The following VPS50 variants were observed in gnomAD, a reference collection of about 807,000 sequenced individuals.
VPS50 encodes VPS50 subunit of EARP/GARPII complex, also known as syndetin.
In VPS50, 70 loss-of-function variants were observed where a neutral mutation model predicts 139.7. That is an observed-to-expected ratio of 0.50 (90% CI 0.41 to 0.61). The LOEUF (loss-of-function observed/expected upper bound fraction) is 0.61. Among genes scored for constraint, VPS50 ranks in the 20% least tolerant of loss-of-function variants. The probability of loss-of-function intolerance (pLI) is 0.00; values close to 1 mark genes in which losing one functional copy is unlikely to be tolerated. For synonymous variants in VPS50, 365 were observed against 376.7 expected, an observed-to-expected ratio of 0.97 and a Z score of 0.36; for missense variants, 921 against 1,133.7, an observed-to-expected ratio of 0.81 and a Z score of 2.69.
chr7:93,246,057 T>A, intron 2 of VPS50: 1 of 1,276,736 alleles, frequency 7.8e-7, no homozygotes, highest in East Asian at 2.5e-5. Flanking sequence ...TCTAGCTCTG[T>A]TTAGATTTTG....
chr7:93,236,895 G>A (rs1459344119), intron 1 of VPS50, among the ~76,000 whole-genome samples: 2 of 140,550 alleles, frequency 1.4e-5, no homozygotes, highest in Non-Finnish European at 3.1e-5. Context: ...AGATATATGA[G>A]ACAGTATTTT....
intron 1 of VPS50, among the ~76,000 whole-genome samples, chr7:93,234,869 G>A (rs1315136585): frequency 6.6e-6 from 1 of 151,934 alleles, no homozygotes; most frequent in Non-Finnish European, 1.5e-5. Context: ...TCTCCATCAT[G>A]CTCACCTCTG....
chr7:93,275,613 G>A lies in VPS50; in HGVS notation c.802-552G>A, dbSNP rs1403372512. On this transcript the variant is annotated intron_variant, in intron 11 of 27. Coordinates refer to ENST00000305866, the MANE Select transcript of VPS50 (RefSeq NM_017667.4). ...TACACACTTTAGACTATAGAACAGT[G>A]TAAATGTAACTTTTATATACACTGG... Among the ~76,000 whole-genome samples the A allele has an allele frequency of 1.3e-5, 2 of 152,156 alleles. 1 individual carries two copies. Among genetic ancestry groups the A allele is most frequent in the East Asian group, 3.8e-4 (2 of 5,202 alleles).
At chr7:93,267,849 T>C (rs1042162813) in intron 9 of VPS50, among the ~76,000 whole-genome samples, 1 of 152,224 alleles carries the variant, frequency 6.6e-6, no homozygotes, top group African/African-American at 2.4e-5. Flanking sequence ...GTCTAAAATA[T>C]AGGCATTAAG....
intron 23 of VPS50, among the ~76,000 whole-genome samples, chr7:93,342,462 A>C (rs10266225): frequency 6.6e-6 from 1 of 151,714 alleles, no homozygotes; most frequent in South Asian, 2.1e-4. Flanking sequence ...AGCTCGAACT[A>C]GGTGGAGCCC....
At chr7:93,302,743 T>C (rs780196649) in intron 16 of VPS50, among the ~76,000 whole-genome samples, 4 of 152,050 alleles carry the variant, frequency 2.6e-5, no homozygotes, top group Non-Finnish European at 5.9e-5. Flanking sequence ...TAACAACTTG[T>C]GGTAGAAAGA....
intron 2 of VPS50, among the ~76,000 whole-genome samples, chr7:93,243,964 C>G (rs574919961): frequency 6.6e-6 from 1 of 151,816 alleles, no homozygotes; most frequent in African/African-American, 2.4e-5. Context: ...ATTGCCTCCT[C>G]ATAGTATTCT....
At position 93,276,231 on chromosome 7, in the gene VPS50, C is replaced by T. The variant is rs1378535430; in HGVS notation, c.868C>T (p.Leu290Phe). 1.9e-6 allele frequency: 3 copies of T among 1,613,472 alleles called. No homozygotes were observed. In the Admixed American group the frequency reaches 5.0e-5, roughly 27 times the overall value. ...AIHNTVFQVV[L>F]GYVELCAGNT... ...TCACAACACCGTGTTTCAAGTTGTT[C>T]TTGGTTATGTGGAACTATGTGCAGG... Residue 290 changes from leucine (L) to phenylalanine (F), a missense_variant, in exon 12 of 28, where the codon CTT becomes TTT. By Grantham distance (22) the Leu-to-Phe change is conservative. This residue lies in a region of VPS50 where 744 missense variants were observed against 930.6 expected (regional missense o/e 0.80). Transcript: ENST00000305866.
Position 93,353,657 on chromosome 7 carries a change from CA to C in VPS50, c.2482del (p.Arg828GlyfsTer3). 6.2e-7 allele frequency: 1 copy of C among 1,612,670 alleles called. No individual in the cohort carries two copies. The highest frequency in any genetic ancestry group is 8.5e-7 in the Non-Finnish European group (1 of 1,179,320). On this transcript the variant is annotated frameshift_variant, in exon 26 of 28. Transcript: ENST00000305866. LOFTEE classifies it high-confidence loss of function. ...CTTCTTAGGAATTTGAGCAGTTTAA[CA>C]GGAGGCTAAATGAAGTTTCTAAGAG... ...ALLKEFEQFN[R>X]RLNEVSKRVR...
intron 23 of VPS50, among the ~76,000 whole-genome samples, chr7:93,345,756 G>A (rs974776512): frequency 2.0e-5 from 3 of 152,232 alleles, no homozygotes; most frequent in African/African-American, 2.4e-5. Flanking sequence ...ATGCAGAAAA[G>A]GCCTTTGACA....
chr7:93,323,712 T>A lies in VPS50; in HGVS notation c.1957T>A (p.Phe653Ile), dbSNP rs777303660. 5 of 1,417,154 alleles carry A rather than the reference T, an allele frequency of 3.5e-6. No homozygotes were observed. The highest frequency in any genetic ancestry group is 1.5e-5 in the South Asian group (1 of 67,448). The allele number at this position is 1,417,154 out of a possible 1,614,324, so 87.8% of individuals were successfully genotyped here. ...TTATTACTTGTATGCAATATATACC[T>A]TTTTTGGTCGGAATGATTCAGTAAG... is the stretch of plus-strand genomic sequence containing the variant. The part of the protein sequence containing the change: ...FDYYLYAIYT[F>I]FGRNDSLEST... The change falls in exon 21 of 28, where the codon TTT (phenylalanine) becomes ATT (isoleucine). Residue 653 changes from phenylalanine to isoleucine, a missense_variant. Phe to Ile is a conservative substitution (Grantham distance 21, BLOSUM62 0). Around this residue, in one of 3 missense-constraint regions of VPS50, gnomAD observed 744 missense variants for 930.6 expected, o/e 0.80. Coordinates refer to ENST00000305866, the MANE Select transcript of VPS50 (RefSeq NM_017667.4).
At chr7:93,314,329 C>T (rs546401426) in intron 20 of VPS50, among the ~76,000 whole-genome samples, 7 of 152,082 alleles carry the variant, frequency 4.6e-5, no homozygotes, top group African/African-American at 7.2e-5. Flanking sequence ...ATTAGCAGAG[C>T]GTAAACAAAA....
intron 25 of VPS50, among the ~76,000 whole-genome samples, chr7:93,350,319 A>T (rs967303334): frequency 1.3e-5 from 2 of 152,202 alleles, no homozygotes; most frequent in Admixed American, 6.5e-5. Flanking sequence ...CACTATAATG[A>T]CAAGAAGATA....
At chr7:93,291,896 G>A in intron 13 of VPS50, 61 bp downstream of exon 13, 1 of 1,168,228 alleles carries the variant, frequency 8.6e-7, no homozygotes, top group Non-Finnish European at 1.2e-6. Context: ...CATTACTGGA[G>A]TAAGAAGAAA....
At chr7:93,262,390 A>G (rs555834590) in intron 9 of VPS50, among the ~76,000 whole-genome samples, 3 of 152,368 alleles carry the variant, frequency 2.0e-5, no homozygotes, top group East Asian at 1.9e-4. Context: ...TAATGGATAT[A>G]CTGATATGTG....
chr7:93,315,317 T>C (rs1234846456), intron 20 of VPS50, among the ~76,000 whole-genome samples: 2 of 152,202 alleles, frequency 1.3e-5, no homozygotes, highest in African/African-American at 2.4e-5. Flanking sequence ...TTTCAACATA[T>C]AGGTTAAGTC....
chr7:93,320,239 G>A (rs972946071), intron 20 of VPS50: 1 of 151,788 alleles, frequency 6.6e-6, no homozygotes, highest in African/African-American at 2.4e-5. Flanking sequence ...TCTTTATGGG[G>A]ACTGATTCTC....
intron 9 of VPS50, among the ~76,000 whole-genome samples, chr7:93,266,503 A>G (rs1795847917): frequency 6.6e-6 from 1 of 152,196 alleles, no homozygotes. Flanking sequence ...TTGTGAGTGT[A>G]TGTGTGTCCT....
chr7:93,292,845 G>C (rs1796689573), intron 13 of VPS50, among the ~76,000 whole-genome samples: 1 of 152,052 alleles, frequency 6.6e-6, no homozygotes, highest in Non-Finnish European at 1.5e-5. Context: ...GGAGAGTAAA[G>C]GAAGGGAGAG....
Sources: gnomAD v4.1 joint callset for allele counts (sites outside exome capture counted in the v4.1 genomes callset) on GRCh38, gnomAD v4.1.1 for gene constraint, gnomAD v4.1.1 regional missense constraint, MANE v1.5 for transcripts, NCBI Gene and HGNC (gene_info 2026-07-23, HGNC 2026-07-21) for gene names.